The following TGFA variants were observed in gnomAD, a reference collection of about 807,000 sequenced individuals.
TGFA encodes the protein transforming growth factor alpha, also known as protransforming growth factor alpha.
In TGFA, 12 loss-of-function variants were observed where a neutral mutation model predicts 21.7. The observed-to-expected ratio is 0.55, with a 90% CI of 0.35 to 0.90. The LOEUF (loss-of-function observed/expected upper bound fraction) is 0.90, where lower values mean the gene tolerates loss of function less well. Among genes scored for constraint, TGFA ranks in the 40% least tolerant of loss-of-function variants. The probability of loss-of-function intolerance (pLI) is 0.01; values close to 1 mark genes in which losing one functional copy is unlikely to be tolerated. For synonymous variants in TGFA, 79 were observed against 88.1 expected (o/e 0.90, Z 0.58); for missense variants, 178 against 210.8 (o/e 0.84, Z 0.96).
intron 2 of TGFA, among the ~76,000 whole-genome samples, chr2:70,476,789 G>C (rs781872559): frequency 1.3e-5 from 2 of 152,190 alleles, no homozygotes; most frequent in Non-Finnish European, 2.9e-5. Flanking sequence ...TTAAGGCAAA[G>C]CTCAACAGTC....
intron 2 of TGFA, among the ~76,000 whole-genome samples, chr2:70,512,491 T>C (rs1341181698): frequency 6.6e-6 from 1 of 152,070 alleles, no homozygotes; most frequent in Non-Finnish European, 1.5e-5. Context: ...GGTTACAGGG[T>C]AATATGCAAC....
chr2:70,531,427 T>C (rs1003714012), intron 1 of TGFA, among the ~76,000 whole-genome samples: 4 of 152,230 alleles, frequency 2.6e-5, no homozygotes, highest in East Asian at 1.9e-4. Context: ...CCTCAAGTAC[T>C]GCGTTTAAAA....
intron 1 of TGFA, among the ~76,000 whole-genome samples, chr2:70,530,320 A>G (rs1213308883): frequency 6.6e-6 from 1 of 152,144 alleles, no homozygotes; most frequent in African/African-American, 2.4e-5. Flanking sequence ...CTGAAATATT[A>G]ATACTTCAGG....
intron 2 of TGFA, among the ~76,000 whole-genome samples, chr2:70,472,409 T>C (rs1487317450): frequency 6.6e-6 from 1 of 152,198 alleles, no homozygotes; most frequent in East Asian, 1.9e-4. Context: ...CCCTCCAGCA[T>C]GTTAACCAAA....
intron 4 of TGFA, among the ~76,000 whole-genome samples, chr2:70,454,269 C>T (rs933417019): frequency 4.6e-5 from 7 of 152,182 alleles, no homozygotes; most frequent in Non-Finnish European, 7.3e-5. Context: ...TTTCACGATT[C>T]CCATCCCAGC....
intron 1 of TGFA, among the ~76,000 whole-genome samples, chr2:70,532,779 A>C (rs1001370767): frequency 1.3e-5 from 2 of 152,228 alleles, no homozygotes; most frequent in Non-Finnish European, 2.9e-5. Flanking sequence ...CCCCCAGAGG[A>C]GCCAAAAACA....
At chr2:70,547,729 ATAC>A (rs1381983177) in intron 1 of TGFA, among the ~76,000 whole-genome samples, 3 of 147,154 alleles carry the variant, frequency 2.0e-5, no homozygotes, top group African/African-American at 4.9e-5. Flanking sequence ...ATCTATACTT[ATAC>A]TACTATATTA....
chr2:70,483,018 A>G (rs1553495988), intron 2 of TGFA, among the ~76,000 whole-genome samples: 1 of 152,222 alleles, frequency 6.6e-6, no homozygotes, highest in Non-Finnish European at 1.5e-5. Flanking sequence ...TCATTTAAAG[A>G]GGTCACTGGC....
In TGFA at chr2:70,466,193, T is replaced by C. The variant is rs147481052; in HGVS notation, c.95-457A>G. ...ATGATGCAAAAAGGTGCTTATGATATACAGTAAGTTAAGTAAATGGGTTTC... is the reference window on the plus strand; with the variant it reads ...ATGATGCAAAAAGGTGCTTATGATACACAGTAAGTTAAGTAAATGGGTTTC... On this transcript the variant is annotated intron_variant, in intron 2 of 5. Transcript: ENST00000295400. Among the ~76,000 whole-genome samples the C allele has an allele frequency of 4.1e-3, 622 of 152,318 alleles. 2 individuals carry two copies. The highest frequency in any genetic ancestry group is 7.0e-3 in the Non-Finnish European group (475 of 68,030).
At chr2:70,494,822 G>A (rs1370864956) in intron 2 of TGFA, among the ~76,000 whole-genome samples, 3 of 152,132 alleles carry the variant, frequency 2.0e-5, no homozygotes, top group African/African-American at 7.2e-5. Flanking sequence ...TCTTATTGAT[G>A]TGTTAAAATT....
intron 2 of TGFA, among the ~76,000 whole-genome samples, chr2:70,492,315 A>C (rs1430639670): frequency 1.3e-5 from 2 of 152,166 alleles, no homozygotes; most frequent in African/African-American, 4.8e-5. Flanking sequence ...TGGAGCCCAG[A>C]GGAGAGGACT....
intron 1 of TGFA, among the ~76,000 whole-genome samples, chr2:70,542,039 C>T (rs1003092135): frequency 3.9e-5 from 6 of 152,250 alleles, no homozygotes; most frequent in Non-Finnish European, 5.9e-5. Context: ...CAACTGCGCT[C>T]GGTGACAAAT....
At chr2:70,547,726 C>T (rs1390100234) in intron 1 of TGFA, among the ~76,000 whole-genome samples, 2 of 146,796 alleles carry the variant, frequency 1.4e-5, no homozygotes, top group Admixed American at 6.9e-5. Flanking sequence ...ACTATCTATA[C>T]TTATACTACT....
chr2:70,533,212 A>T (rs1260363718), intron 1 of TGFA, among the ~76,000 whole-genome samples: 1 of 151,884 alleles, frequency 6.6e-6, no homozygotes, highest in Non-Finnish European at 1.5e-5. Flanking sequence ...GTTATCACTC[A>T]CTGGTTCTGT....
intron 1 of TGFA, among the ~76,000 whole-genome samples, chr2:70,543,192 T>C (rs1017090045): frequency 1.3e-5 from 2 of 152,150 alleles, no homozygotes; most frequent in African/African-American, 2.4e-5. Context: ...ATATGTCTTA[T>C]CTTGGGGGCC....
chr2:70,475,363 C>G (rs1025720518), intron 2 of TGFA, among the ~76,000 whole-genome samples: 2 of 152,196 alleles, frequency 1.3e-5, no homozygotes, highest in Non-Finnish European at 2.9e-5. Flanking sequence ...CTCACTATCT[C>G]ATCTTACAGA....
intron 3 of TGFA, among the ~76,000 whole-genome samples, chr2:70,459,374 A>G (rs1553491154): frequency 6.6e-6 from 1 of 152,186 alleles, no homozygotes; most frequent in Non-Finnish European, 1.5e-5. Flanking sequence ...GGTTGCGACT[A>G]TTATTTACCT....
intron 1 of TGFA, among the ~76,000 whole-genome samples, chr2:70,523,623 G>C (rs1672545810): frequency 6.6e-6 from 1 of 152,142 alleles, no homozygotes; most frequent in African/African-American, 2.4e-5. Flanking sequence ...CTGGCAGGCA[G>C]AGCTCCCTGC....
chr2:70,520,079 T>C (rs545312640), intron 1 of TGFA, among the ~76,000 whole-genome samples: 1 of 152,310 alleles, frequency 6.6e-6, no homozygotes, highest in African/African-American at 2.4e-5. Flanking sequence ...GGTCCATAAG[T>C]CACCATGAGC....
Sources: gnomAD v4.1 joint callset for allele counts (sites outside exome capture counted in the v4.1 genomes callset) on GRCh38, gnomAD v4.1.1 for gene constraint, MANE v1.5 for transcripts, NCBI Gene and HGNC (gene_info 2026-07-23, HGNC 2026-07-21) for gene names.